SMAD1: variants seen among roughly 807,000 people sequenced by gnomAD.
SMAD1 encodes the protein MAD, mothers against decapentaplegic homolog 1.
A neutral mutation model predicts 41.6 loss-of-function variants in SMAD1; 6 were observed. The ratio of observed to expected loss-of-function variants is 0.14; its 90% CI spans 0.08 to 0.28. The LOEUF (loss-of-function observed/expected upper bound fraction) is 0.28. Among genes scored for constraint, SMAD1 ranks in the 10% least tolerant of loss-of-function variants. SMAD1 has a pLI of 1.00. For missense variants in SMAD1, 379 were observed against 582.6 expected (o/e 0.65, Z 3.60); for synonymous variants, 206 against 203.2 (o/e 1.01, Z -0.12).
intron 1 of SMAD1, among the ~76,000 whole-genome samples, chr4:145,510,669 A>G (rs890045838): frequency 2.0e-5 from 3 of 152,276 alleles, no homozygotes; most frequent in African/African-American, 7.2e-5. Flanking sequence ...TTCCTTGCGT[A>G]TTTGAAAGTG....
chr4:145,557,932 T>C lies in SMAD1; in HGVS notation c.1396T>C (p.Ter466GlnextTer21). The change falls in exon 7 of 7, where the codon TAA becomes CAA. Residue 466 changes from the stop codon to glutamine (Q), a stop_lost. Coordinates refer to ENST00000302085, the MANE Select transcript of SMAD1 (RefSeq NM_005900.3). The stretch of plus-strand genomic sequence containing the variant: ...TCATAATCCTATTTCATCTGTATCT[T>C]AAATGGCCCCAGGCATCTGCCTCTG... Reference protein sequence around the residue: ...SPHNPISSVS* With the variant: ...SPHNPISSVSQ The C allele has an allele frequency of 6.2e-7, 1 of 1,601,852 alleles. No individual in the cohort carries two copies. The highest frequency in any genetic ancestry group is 1.3e-5 in the African/African-American group (1 of 74,844).
chr4:145,521,318 C>T (rs1730729607), intron 2 of SMAD1, among the ~76,000 whole-genome samples: 2 of 151,930 alleles, frequency 1.3e-5, no homozygotes, highest in African/African-American at 2.4e-5. Flanking sequence ...GATTACCTGC[C>T]ATTGGCCATT....
At chr4:145,501,466 A>G (rs1729431543) in intron 1 of SMAD1, among the ~76,000 whole-genome samples, 3 of 152,188 alleles carry the variant, frequency 2.0e-5, no homozygotes, top group South Asian at 4.1e-4. Flanking sequence ...AAATTATGCA[A>G]TTAAGAGCTG....
At chr4:145,508,541 C>T (rs184860293) in intron 1 of SMAD1, among the ~76,000 whole-genome samples, 90 of 152,054 alleles carry the variant, frequency 5.9e-4, no homozygotes, top group Admixed American at 1.7e-3. Flanking sequence ...CAGCAGTGAA[C>T]AGTGTTTGTC....
intron 1 of SMAD1, among the ~76,000 whole-genome samples, chr4:145,498,289 A>G (rs1040501630): frequency 1.3e-5 from 2 of 152,232 alleles, no homozygotes; most frequent in African/African-American, 2.4e-5. Context: ...TGAATCCTTA[A>G]TAAAAGAGTA....
At chr4:145,549,923 T>C (rs2126543559) in intron 5 of SMAD1, among the ~76,000 whole-genome samples, 1 of 152,316 alleles carries the variant, frequency 6.6e-6, no homozygotes, top group South Asian at 2.1e-4. Flanking sequence ...TAAACACAAT[T>C]TTGCATACAT....
At position 145,510,475 on chromosome 4, in the gene SMAD1, T is replaced by A. The variant is rs1365801291; in HGVS notation, c.-176-3963T>A. On this transcript the variant is annotated intron_variant, in intron 1 of 6. Transcript: ENST00000302085. ...TACAATCATTCAGTTAAAAATATTT[T>A]CTATTTCCTCTATAATTTCTTCTTT... Among the ~76,000 whole-genome samples the A allele has an allele frequency of 2.6e-5, 4 of 152,304 alleles. No homozygotes were observed. In the East Asian group the frequency reaches 7.7e-4, roughly 29 times the overall value.
intron 1 of SMAD1, among the ~76,000 whole-genome samples, chr4:145,487,626 C>CTGTA (rs1420830281): frequency 1.3e-5 from 2 of 152,198 alleles, no homozygotes; most frequent in African/African-American, 4.8e-5. Context: ...CATCACTCTG[C>CTGTA]TGTAGCCACC....
At chr4:145,555,638 G>A (rs1312509100) in intron 6 of SMAD1, among the ~76,000 whole-genome samples, 1 of 152,118 alleles carries the variant, frequency 6.6e-6, no homozygotes, top group African/African-American at 2.4e-5. Flanking sequence ...TACTTTTGTA[G>A]AGTTTTAATA....
chr4:145,556,095 A>G (rs1455177592), intron 6 of SMAD1, among the ~76,000 whole-genome samples: 4 of 152,238 alleles, frequency 2.6e-5, no homozygotes, highest in Non-Finnish European at 4.4e-5. Flanking sequence ...TTTACTAACA[A>G]TAGCCAATCT....
Position 145,540,067 on chromosome 4 carries a change from T to C in SMAD1, c.658+6T>C, listed in dbSNP as rs1428666429. ...AAGCCCTTTCCAGATGCCAGGTAGG[T>C]TGGAATGTTCAGTGATGTTCTGTAG... On this transcript the variant is annotated splice_donor_region_variant and intron_variant, in intron 3 of 6. Transcript: ENST00000302085. 6.2e-7 allele frequency: 1 copy of C among 1,613,824 alleles called. No homozygotes were observed. Among genetic ancestry groups the C allele is most frequent in the Non-Finnish European group, 8.5e-7 (1 of 1,179,916 alleles).
intron 6 of SMAD1, among the ~76,000 whole-genome samples, chr4:145,554,982 C>A (rs1229055356): frequency 1.3e-5 from 2 of 152,122 alleles, no homozygotes; most frequent in Non-Finnish European, 2.9e-5. Flanking sequence ...TTAATCATCC[C>A]TTAGATCAAA....
intron 5 of SMAD1, among the ~76,000 whole-genome samples, chr4:145,547,735 C>T (rs1224753466): frequency 1.3e-5 from 2 of 151,970 alleles, no homozygotes; most frequent in Non-Finnish European, 2.9e-5. Context: ...CGGAGGGGAG[C>T]AAAAAGTAAA....
chr4:145,538,931 G>A (rs975522738), intron 2 of SMAD1, among the ~76,000 whole-genome samples: 2 of 152,138 alleles, frequency 1.3e-5, no homozygotes, highest in Non-Finnish European at 2.9e-5. Context: ...TAGTGGCTTT[G>A]CCTCAGGAGG....
chr4:145,496,478 A>G lies in SMAD1; in HGVS notation c.-177+14440A>G, dbSNP rs187134925. 9.1e-4 allele frequency among the ~76,000 whole-genome samples: 139 copies of G among 152,326 alleles called. 1 individual carries two copies. Among genetic ancestry groups the G allele is most frequent in the Non-Finnish European group, 1.2e-3 (80 of 68,036 alleles). On this transcript the variant is annotated intron_variant, in intron 1 of 6. Coordinates refer to ENST00000302085, the MANE Select transcript of SMAD1 (RefSeq NM_005900.3). The stretch of plus-strand genomic sequence containing the variant: ...GGTTGTGGTTGTGGTGATGAGGATG[A>G]TATAAGGATGACTTTTGATTGTTTT...
intron 4 of SMAD1, chr4:145,544,552 G>T (rs980862173): frequency 2.0e-5 from 3 of 150,274 alleles, no homozygotes; most frequent in Non-Finnish European, 1.5e-5. Context: ...TTGCACTCCA[G>T]CCTGGGCAAC....
At chr4:145,529,189 T>G (rs1363424266) in intron 2 of SMAD1, among the ~76,000 whole-genome samples, 1 of 152,354 alleles carries the variant, frequency 6.6e-6, no homozygotes, top group South Asian at 2.1e-4. Context: ...TGCTTCTGAC[T>G]GTTACTATAC....
rs534193244 is a variant in SMAD1 at position 145,482,035 on chromosome 4, C to G, written c.-180C>G. ...CCCACACGGACGGGCGCGCCGCCAA[C>G]CCGGTAAAACGAAACAGACCCGAAC... On this transcript the variant is annotated 5_prime_UTR_variant, in exon 1 of 7. Coordinates refer to ENST00000302085, the MANE Select transcript of SMAD1 (RefSeq NM_005900.3). The surrounding 1 kb of genome is among the most constrained non-coding windows in gnomAD (Gnocchi z 4.2). The G allele has an allele frequency of 1.3e-5, 2 of 152,022 alleles. No individual in the cohort carries two copies. The highest frequency in any genetic ancestry group is 2.4e-5 in the African/African-American group (1 of 41,404). The allele number at this position is 152,022 out of a possible 1,614,324, so 9.4% of individuals were successfully genotyped here. A position where few individuals can be genotyped will look rare whatever the true frequency, so the allele number is the denominator to read the frequency against.
intron 2 of SMAD1, among the ~76,000 whole-genome samples, chr4:145,535,831 G>T (rs1731581201): frequency 6.6e-6 from 1 of 151,860 alleles, no homozygotes; most frequent in Non-Finnish European, 1.5e-5. Flanking sequence ...CTAAAACTAA[G>T]CGCAAATAGC....
Sources: allele counts gnomAD v4.1 joint callset (sites outside exome capture counted in the v4.1 genomes callset), GRCh38; gene constraint gnomAD v4.1.1; non-coding constraint Gnocchi (gnomAD v3.1); transcripts MANE v1.5; gene names NCBI Gene and HGNC (gene_info 2026-07-23, HGNC 2026-07-21).